The following PHYHD1 variants were observed in gnomAD, a reference collection of about 807,000 sequenced individuals.
PHYHD1 encodes phytanoyl-CoA dioxygenase domain-containing protein 1.
Under a neutral mutation model 43.6 loss-of-function variants are expected in PHYHD1, and 42 were observed. The observed-to-expected ratio is 0.96, with a 90% CI of 0.75 to 1.25. The LOEUF is 1.25. PHYHD1 is among the 50% of genes most tolerant of loss of function. The pLI is 0.00. For synonymous variants in PHYHD1, 139 were observed against 143.6 expected, an observed-to-expected ratio of 0.97 and a Z score of 0.23; for missense variants, 342 against 370.8, an observed-to-expected ratio of 0.92 and a Z score of 0.64.
intron 4 of PHYHD1, among the ~76,000 whole-genome samples, chr9:128,932,184 A>ATTATTT (rs1400960079): frequency 9.2e-6 from 1 of 108,698 alleles, no homozygotes; most frequent in Non-Finnish European, 1.7e-5. Context: ...TATTATTATT[A>ATTATTT]TTTTTTTTTT....
intron 4 of PHYHD1, among the ~76,000 whole-genome samples, chr9:128,930,874 G>A (rs1375320268): frequency 5.3e-5 from 8 of 150,804 alleles, no homozygotes; most frequent in South Asian, 2.1e-4. Context: ...GCGTGAACCC[G>A]GGAGGCGGAG....
intron 3 of PHYHD1, among the ~76,000 whole-genome samples, chr9:128,924,970 T>C (rs1400030861): frequency 6.6e-6 from 1 of 152,162 alleles, no homozygotes; most frequent in African/African-American, 2.4e-5. Context: ...AATTCCTAGC[T>C]GTATTTGTGT....
chr9:128,934,074 G>C lies in PHYHD1; in HGVS notation c.316+16G>C, dbSNP rs370389376. The C allele has an allele frequency of 4.6e-5, 74 of 1,612,284 alleles. No individual in the cohort carries two copies. Among genetic ancestry groups the C allele is most frequent in the African/African-American group, 1.5e-4 (11 of 74,984 alleles). ...ATTGGCCACGGTGAGCAGGGGCTTG[G>C]GGGTACAGGAAAGAAGATCGGGGAA... is the stretch of plus-strand genomic sequence containing the variant. On this transcript the variant is annotated intron_variant, in intron 6 of 12. Transcript: ENST00000372592.
At chr9:128,934,093 C>G (rs532174602) in intron 6 of PHYHD1, 35 bp downstream of exon 6, 55 of 1,600,842 alleles carry the variant, frequency 3.4e-5, no homozygotes, top group Non-Finnish European at 4.6e-5. Flanking sequence ...GAAAGAAGAT[C>G]GGGGAACAGG....
chr9:128,930,948 CAA>C (rs759485070), intron 4 of PHYHD1, among the ~76,000 whole-genome samples: 27 of 57,070 alleles, frequency 4.7e-4, no homozygotes, highest in African/African-American at 1.1e-3. Flanking sequence ...GACTCTGTCT[CAA>C]AAAAAAAAAA....
intron 4 of PHYHD1, among the ~76,000 whole-genome samples, chr9:128,932,175 A>ATTTTTTTTTTT (rs1164525938): frequency 6.5e-5 from 7 of 107,120 alleles, no homozygotes; most frequent in African/African-American, 1.3e-4. Context: ...TATTGTTATT[A>ATTTTTTTTTTT]TTATTATTAT....
intron 6 of PHYHD1, among the ~76,000 whole-genome samples, chr9:128,935,558 CAA>C (rs766510997): frequency 1.2e-4 from 13 of 104,284 alleles, no homozygotes; most frequent in Non-Finnish European, 1.3e-4. Flanking sequence ...AACTCTGTCT[CAA>C]AAAAAAAAAA....
chr9:128,935,546 G>A (rs1385258084), intron 6 of PHYHD1, among the ~76,000 whole-genome samples: 4 of 124,212 alleles, frequency 3.2e-5, no homozygotes, highest in Non-Finnish European at 4.9e-5. Flanking sequence ...GCAACAGAGC[G>A]AAACTCTGTC....
chr9:128,931,512 A>G (rs1283888313), intron 4 of PHYHD1, among the ~76,000 whole-genome samples: 1 of 151,770 alleles, frequency 6.6e-6, no homozygotes, highest in Non-Finnish European at 1.5e-5. Flanking sequence ...TGAGGAGGTC[A>G]GTTTTTTGTT....
At position 128,941,726 on chromosome 9, in the gene PHYHD1, G is replaced by A. The variant is rs768146434; in HGVS notation, c.*13G>A. The A allele has an allele frequency of 1.2e-6, 2 of 1,614,126 alleles. No individual in the cohort carries two copies. Among genetic ancestry groups the A allele is most frequent in the South Asian group, 1.1e-5 (1 of 91,078 alleles). ...ACTGTACACCTAAAGGCTCTCGCAG[G>A]GCAGGAGCCCTCGCCCCTCCCGGGT... is the stretch of plus-strand genomic sequence containing the variant. On this transcript the variant is annotated 3_prime_UTR_variant, in exon 13 of 13. Transcript: ENST00000372592.
intron 4 of PHYHD1, among the ~76,000 whole-genome samples, chr9:128,930,463 A>T (rs1841242375): frequency 1.3e-5 from 2 of 149,052 alleles, no homozygotes; most frequent in Admixed American, 1.3e-4. Context: ...AAAAAAAACA[A>T]ACCCTGGCAT....
chr9:128,932,816 ATTCCTTATTTAT>A (rs932550011), intron 4 of PHYHD1, among the ~76,000 whole-genome samples: 2 of 133,056 alleles, frequency 1.5e-5, no homozygotes, highest in African/African-American at 5.9e-5. Context: ...TTCTATTATT[ATTCCTTATTTAT>A]TTATTTATTT....
At chr9:128,936,126 G>A (rs1841417271) in intron 6 of PHYHD1, among the ~76,000 whole-genome samples, 1 of 151,924 alleles carries the variant, frequency 6.6e-6, no homozygotes, top group East Asian at 1.9e-4. Flanking sequence ...ATGGTTACCC[G>A]AGGCCACACA....
chr9:128,934,907 G>C (rs973225455), intron 6 of PHYHD1, among the ~76,000 whole-genome samples: 1 of 152,102 alleles, frequency 6.6e-6, no homozygotes, highest in Admixed American at 6.6e-5. Flanking sequence ...ACTGGGGATA[G>C]GGGGTCCACC....
At chr9:128,922,253 C>T (rs1248644324) in intron 2 of PHYHD1, 30 bp from the exon 3 acceptor site, 3 of 1,540,166 alleles carry the variant, frequency 1.9e-6, no homozygotes, top group South Asian at 1.2e-5. Flanking sequence ...TAAGTCCTCC[C>T]AGGCTCCTAA....
intron 11 of PHYHD1, 147 bp downstream of exon 11, chr9:128,940,862 G>A: frequency 1.4e-6 from 1 of 736,432 alleles, no homozygotes; most frequent in Non-Finnish European, 2.2e-6. Context: ...ATGGGCGCTG[G>A]GAAGTCAGGA....
In PHYHD1 at chr9:128,932,159, T is replaced by G. The variant is rs1164044309; in HGVS notation, c.193-1623T>G. ...CTGGGGAAGTCAGTTCTATTATTAT[T>G]ATTATTATTGTTATTATTATTATTA... is the stretch of plus-strand genomic sequence containing the variant. On this transcript the variant is annotated intron_variant, in intron 4 of 12. Transcript: ENST00000372592. 4.3e-5 allele frequency among the ~76,000 whole-genome samples: 5 copies of G among 117,638 alleles called. 1 individual carries two copies. The South Asian group carries it at 1.3e-3, about 31-fold the overall frequency. The allele number at this position is 117,638 out of a possible 152,430, so 77.2% of individuals were successfully genotyped here. A position where few individuals can be genotyped will look rare whatever the true frequency, so the allele number is the denominator to read the frequency against.
intron 1 of PHYHD1, 85 bp downstream of exon 1, chr9:128,921,753 G>A (rs1249341280): frequency 6.6e-6 from 1 of 152,526 alleles, no homozygotes; most frequent in African/African-American, 2.4e-5. Flanking sequence ...CTGAGCTGCA[G>A]ATGGATGCGT....
rs765891106 is a variant in PHYHD1 at position 128,922,364 on chromosome 9, C to A, written c.33+8C>A. ...CCCTCGCAGCTCCAGAAGGTAGGAG[C>A]CTGCAAGTCGGGGCCGGGAGGGTCA... is the stretch of plus-strand genomic sequence containing the variant. On this transcript the variant is annotated splice_region_variant and intron_variant, in intron 3 of 12. Coordinates refer to ENST00000372592, the MANE Select transcript of PHYHD1 (RefSeq NM_001100876.2). 154 of 1,548,738 alleles carry A rather than the reference C, an allele frequency of 9.9e-5. No individual in the cohort carries two copies. The highest frequency in any genetic ancestry group is 1.3e-4 in the Non-Finnish European group (146 of 1,146,540).
Sources: allele counts gnomAD v4.1 joint callset (sites outside exome capture counted in the v4.1 genomes callset), GRCh38; gene constraint gnomAD v4.1.1; transcripts MANE v1.5; gene names NCBI Gene and HGNC (gene_info 2026-07-23, HGNC 2026-07-21).